Variants in NBEA observed in about 807,000 individuals in gnomAD.
The protein encoded by NBEA is lysosomal-trafficking regulator 2.
Under a neutral mutation model 343.4 loss-of-function variants are expected in NBEA, and 44 were observed. That is an observed-to-expected ratio of 0.13 (90% CI 0.10 to 0.16). The LOEUF (loss-of-function observed/expected upper bound fraction) is 0.16, where lower values mean the gene tolerates loss of function less well. Ranked by LOEUF, NBEA falls within the 10% of genes least tolerant of loss-of-function variation. NBEA has a pLI of 1.00. For missense variants in NBEA, 2,555 were observed against 3,631.3 expected, an observed-to-expected ratio of 0.70 and a Z score of 7.62; for synonymous variants, 1,175 against 1,238.7, an observed-to-expected ratio of 0.95 and a Z score of 1.08.
At chr13:35,668,540 G>C (rs748891743) in intron 58 of NBEA, 21 bp downstream of exon 58, 4 of 1,560,268 alleles carry the variant, frequency 2.6e-6, no homozygotes, top group Non-Finnish European at 2.6e-6. Context: ...TCAAGGACAA[G>C]TATCATCACT....
At chr13:35,454,276 C>A (rs573136976) in intron 40 of NBEA, among the ~76,000 whole-genome samples, 4 of 152,240 alleles carry the variant, frequency 2.6e-5, no homozygotes, top group African/African-American at 9.6e-5. Flanking sequence ...GCCTATTAAT[C>A]TAGACTAACA....
intron 47 of NBEA, among the ~76,000 whole-genome samples, chr13:35,598,680 C>T (rs2081915579): frequency 6.6e-6 from 1 of 152,132 alleles, no homozygotes; most frequent in South Asian, 2.1e-4. Context: ...CCTAAGAATC[C>T]CTTTCTCGTG....
chr13:35,646,121 C>T, intron 50 of NBEA, 138 bp from the exon 51 acceptor site: 1 of 736,818 alleles, frequency 1.4e-6, no homozygotes, highest in Non-Finnish European at 2.3e-6. Context: ...GATTCTGCAC[C>T]CTGAGAAAAG....
At chr13:35,332,647 A>G (rs190202558) in intron 36 of NBEA, among the ~76,000 whole-genome samples, 33 of 152,262 alleles carry the variant, frequency 2.2e-4, no homozygotes, top group African/African-American at 7.2e-4. Flanking sequence ...GATAACACCA[A>G]TGGAAAAGTG....
rs2071392573 is a variant in NBEA, at chr13:35,182,602, TA to T, written c.4831+77del. On this transcript the variant is annotated intron_variant, in intron 29 of 58. Transcript: ENST00000379939. ...TTTTTTTCACCTTTACATCTAGATT[TA>T]AACTGGACCTCTTCATAATCACCTC... is the stretch of plus-strand genomic sequence containing the variant. 16 of 1,340,202 alleles carry T rather than the reference TA, an allele frequency of 1.2e-5. 1 individual carries two copies. The South Asian group carries it at 2.2e-4, about 18-fold the overall frequency. 83.0% of individuals were successfully genotyped at this position (1,340,202 alleles called of 1,614,324 possible).
At chr13:35,274,177 G>A (rs2034408985) in intron 34 of NBEA, among the ~76,000 whole-genome samples, 1 of 152,100 alleles carries the variant, frequency 6.6e-6, no homozygotes, top group African/African-American at 2.4e-5. Flanking sequence ...GGTCAATTCA[G>A]CTCCACCCCT....
At chr13:35,570,065 G>A (rs550739090) in intron 45 of NBEA, among the ~76,000 whole-genome samples, 2 of 152,070 alleles carry the variant, frequency 1.3e-5, no homozygotes, top group African/African-American at 2.4e-5. Flanking sequence ...ACGGAGTCTC[G>A]CTCTGTCGCC....
chr13:35,273,371 T>G (rs1331791756), intron 34 of NBEA, among the ~76,000 whole-genome samples: 1 of 152,120 alleles, frequency 6.6e-6, no homozygotes, highest in Non-Finnish European at 1.5e-5. Context: ...GAGGGAAATT[T>G]ATAGCACTAA....
intron 43 of NBEA, among the ~76,000 whole-genome samples, chr13:35,554,223 C>G (rs1251468383): frequency 6.6e-6 from 1 of 152,136 alleles, no homozygotes; most frequent in African/African-American, 2.4e-5. Flanking sequence ...AGATATTTCT[C>G]TTGGTCAAGG....
rs184447025 is a variant in NBEA, at chr13:35,396,138, T to G, written c.6180-36131T>G. On this transcript the variant is annotated intron_variant, in intron 38 of 58. Transcript: ENST00000379939. ...TCAGACTCCTGGGCTGAGATGAACC[T>G]CCTGCCTCAGCCTCCCAAGTAGCTG... 2.7e-3 allele frequency among the ~76,000 whole-genome samples: 406 copies of G among 152,202 alleles called. 4 individuals carry two copies. Among genetic ancestry groups the G allele is most frequent in the African/African-American group, 8.9e-3 (368 of 41,540 alleles).
chr13:34,968,047 C>G (rs1011001566), intron 1 of NBEA, among the ~76,000 whole-genome samples: 1 of 152,088 alleles, frequency 6.6e-6, no homozygotes, highest in African/African-American at 2.4e-5. Flanking sequence ...TCTGTAATCA[C>G]TAGAATGACT....
intron 18 of NBEA, among the ~76,000 whole-genome samples, chr13:35,152,281 A>G (rs752661330): frequency 2.2e-4 from 34 of 152,240 alleles, no homozygotes; most frequent in Non-Finnish European, 5.0e-4. Flanking sequence ...GCACTTAATA[A>G]TCAAAGTTTT....
chr13:35,302,262 A>G (rs1040588925), intron 35 of NBEA, among the ~76,000 whole-genome samples: 1 of 152,166 alleles, frequency 6.6e-6, no homozygotes, highest in Non-Finnish European at 1.5e-5. Context: ...TATCCTGGGC[A>G]TAGTTACTGC....
intron 1 of NBEA, among the ~76,000 whole-genome samples, chr13:35,032,746 C>T (rs1012222549): frequency 6.6e-6 from 1 of 151,674 alleles, no homozygotes; most frequent in African/African-American, 2.4e-5. Context: ...TTGAATTTCC[C>T]TGATGATCAG....
intron 1 of NBEA, among the ~76,000 whole-genome samples, chr13:34,991,770 A>G (rs2152516361): frequency 6.6e-6 from 1 of 152,320 alleles, no homozygotes; most frequent in South Asian, 2.1e-4. Flanking sequence ...TCCTTCCAGA[A>G]TAAGTTTCCG....
rs976708070 is a variant in NBEA at position 35,333,737 on chromosome 13, C to T, written c.5904-15371C>T. Among the ~76,000 whole-genome samples, 4 of 152,104 alleles carry T rather than the reference C, an allele frequency of 2.6e-5. No homozygotes were observed. In the South Asian group the frequency reaches 6.2e-4, roughly 24 times the overall value. ...TTGTAACCATCTTTCTACTCTCTGT[C>T]TCTATGAGTTCAATTGTTTTGAATT... On this transcript the variant is annotated intron_variant, in intron 36 of 58. Transcript: ENST00000379939.
chr13:35,105,579 C>T (rs916796332), intron 11 of NBEA, among the ~76,000 whole-genome samples: 1 of 152,024 alleles, frequency 6.6e-6, no homozygotes, highest in Non-Finnish European at 1.5e-5. Context: ...AGATTCTTCT[C>T]TCCAATTTGA....
intron 41 of NBEA, among the ~76,000 whole-genome samples, chr13:35,512,446 A>T (rs1445574048): frequency 6.6e-6 from 1 of 152,182 alleles, no homozygotes; most frequent in African/African-American, 2.4e-5. Flanking sequence ...TATGGTCTGG[A>T]ATTTAAAAAT....
chr13:35,346,674 T>C (rs923768894), intron 36 of NBEA, among the ~76,000 whole-genome samples: 1 of 152,156 alleles, frequency 6.6e-6, no homozygotes, highest in Non-Finnish European at 1.5e-5. Flanking sequence ...ATTGGAGAGA[T>C]AGCTGCTCCA....
Sources: allele counts gnomAD v4.1 joint callset (sites outside exome capture counted in the v4.1 genomes callset), GRCh38; gene constraint gnomAD v4.1.1; transcripts MANE v1.5; gene names NCBI Gene and HGNC (gene_info 2026-07-23, HGNC 2026-07-21).